Variants in ROCK1 observed in about 807,000 individuals in gnomAD.
The protein encoded by ROCK1 is Rho associated coiled-coil containing protein kinase 1.
Under a neutral mutation model 196.8 loss-of-function variants are expected in ROCK1, and 36 were observed. The observed-to-expected ratio is 0.18, with a 90% CI of 0.14 to 0.24. The LOEUF (loss-of-function observed/expected upper bound fraction) is 0.24. Among genes scored for constraint, ROCK1 ranks in the 10% least tolerant of loss-of-function variants. The pLI is 1.00. For synonymous variants in ROCK1, 443 were observed against 515.9 expected, an observed-to-expected ratio of 0.86 and a Z score of 1.91; for missense variants, 920 against 1,562.0, an observed-to-expected ratio of 0.59 and a Z score of 6.93.
rs772297301 is a variant in ROCK1, at chr18:20,967,044, C to T, written c.3225G>A (p.Glu1075=). 1.9e-6 allele frequency: 3 copies of T among 1,613,034 alleles called. No individual in the cohort carries two copies. The highest frequency in any genetic ancestry group is 2.2e-5 in the South Asian group (2 of 91,014). ...CTTTGCTGGCCAACTGCATCTGAAG[C>T]TCATTCCTATGTGCACATTCTTCTA... ...QLVEECAHRN[E]LQMQLASKES... Residue 1075 remains glutamate, a synonymous_variant, in exon 27 of 33, where the codon GAG becomes GAA. Transcript: ENST00000399799.
chr18:20,977,637 A>T (rs1449795883), intron 22 of ROCK1, among the ~76,000 whole-genome samples: 1 of 152,246 alleles, frequency 6.6e-6, no homozygotes, highest in Admixed American at 6.5e-5. Context: ...TTATAGCACA[A>T]TACTGGTGAT....
chr18:21,015,725 A>C (rs1018995836), intron 12 of ROCK1, among the ~76,000 whole-genome samples: 1 of 151,994 alleles, frequency 6.6e-6, no homozygotes, highest in Non-Finnish European at 1.5e-5. Context: ...TAATCCCAGC[A>C]CTTTGGGAGG....
intron 21 of ROCK1, among the ~76,000 whole-genome samples, chr18:20,982,144 T>A (rs989209291): frequency 6.6e-6 from 1 of 152,228 alleles, no homozygotes; most frequent in Admixed American, 6.5e-5. Flanking sequence ...TGGAAGCATA[T>A]GGCAAGAAAG....
Position 20,970,357 on chromosome 18 carries a change from A to G in ROCK1, c.2811T>C (p.Thr937=). 3 of 1,613,450 alleles carry G rather than the reference A, an allele frequency of 1.9e-6. No homozygotes were observed. Among genetic ancestry groups the G allele is most frequent in the Non-Finnish European group, 2.5e-6 (3 of 1,179,528 alleles). ...NRQEITDKDH[T]VSRLEEANSM... ...TGACTATCACACTTACCCGACTAAC[A>G]GTGTGATCTTTATCTGTAATCTCTT... Residue 937 remains threonine (T), a synonymous_variant, in exon 23 of 33, where the codon ACT becomes ACC. Coordinates refer to ENST00000399799, the MANE Select transcript of ROCK1 (RefSeq NM_005406.3).
chr18:21,046,396 TAAAC>T (rs1315108679), intron 4 of ROCK1, among the ~76,000 whole-genome samples: 2 of 152,210 alleles, frequency 1.3e-5, no homozygotes, highest in Non-Finnish European at 2.9e-5. Context: ...AACCAAATCA[TAAAC>T]TAATCCATAA....
rs1229591825 is a variant in ROCK1, at chr18:21,080,730, T to TA, written c.94-10118dup. Among the ~76,000 whole-genome samples the TA allele has an allele frequency of 3.3e-5, 5 of 151,958 alleles. No individual in the cohort carries two copies. In the East Asian group the frequency reaches 7.7e-4, roughly 23 times the overall value. ...ATATCAGACAAAACAGACCTTAAGT[T>TA]AAAAAAATGGTTAACAGACAAAAAA... On this transcript the variant is annotated intron_variant, in intron 1 of 32. Transcript: ENST00000399799.
intron 13 of ROCK1, among the ~76,000 whole-genome samples, chr18:21,012,115 T>A (rs1466194847): frequency 6.6e-6 from 1 of 151,896 alleles, no homozygotes; most frequent in Non-Finnish European, 1.5e-5. Context: ...ACTTGGCTAA[T>A]TTTTTTTGTA....
intron 1 of ROCK1, among the ~76,000 whole-genome samples, chr18:21,105,604 C>T (rs1200707229): frequency 6.6e-6 from 1 of 152,090 alleles, no homozygotes; most frequent in African/African-American, 2.4e-5. Flanking sequence ...AATGTGTGGA[C>T]TAACACTGTC....
intron 2 of ROCK1, among the ~76,000 whole-genome samples, chr18:21,066,489 A>C (rs1177220320): frequency 1.3e-5 from 2 of 152,220 alleles, no homozygotes; most frequent in East Asian, 3.8e-4. Context: ...AACATAGAGT[A>C]AATGATGCTT....
At chr18:21,051,991 G>C (rs566914090) in intron 2 of ROCK1, among the ~76,000 whole-genome samples, 5 of 152,282 alleles carry the variant, frequency 3.3e-5, no homozygotes, top group African/African-American at 1.2e-4. Flanking sequence ...TAAGAGTATT[G>C]TAATACCCCA....
chr18:21,008,081 CT>C lies in ROCK1; in HGVS notation c.1523del (p.Lys508ArgfsTer5). The C allele has an allele frequency of 6.3e-7, 1 of 1,596,208 alleles. No individual in the cohort carries two copies. The highest frequency in any genetic ancestry group is 8.5e-7 in the Non-Finnish European group (1 of 1,172,858). Reference protein sequence around the residue: ...YQRKAEQENEKRRNVENEVST... With the variant: ...YQRKAEQENEXRRNVENEVST... The stretch of plus-strand genomic sequence containing the variant: ...TACCTTCATTTTCTACATTTCTTCT[CT>C]TCTCATTTTCCTGTTCAGCTTTTCT... On this transcript the variant is annotated frameshift_variant, in exon 14 of 33. Coordinates refer to ENST00000399799, the MANE Select transcript of ROCK1 (RefSeq NM_005406.3). LOFTEE classifies it high-confidence loss of function.
intron 2 of ROCK1, among the ~76,000 whole-genome samples, chr18:21,050,821 T>C (rs2036197793): frequency 6.6e-6 from 1 of 152,222 alleles, no homozygotes; most frequent in South Asian, 2.1e-4. Context: ...CACTGCAAGA[T>C]GCACCAGAAA....
intron 8 of ROCK1, 33 bp downstream of exon 8, chr18:21,042,064 A>C: frequency 6.3e-7 from 1 of 1,585,358 alleles, no homozygotes. Context: ...AAGTCCTCAG[A>C]ATTAATACAG....
At chr18:21,100,173 G>C (rs919338427) in intron 1 of ROCK1, among the ~76,000 whole-genome samples, 4 of 149,300 alleles carry the variant, frequency 2.7e-5, no homozygotes, top group Non-Finnish European at 5.9e-5. Flanking sequence ...AACCTAAAAT[G>C]AAAGAGCCTA....
intron 16 of ROCK1, among the ~76,000 whole-genome samples, chr18:21,004,280 A>C (rs1158033272): frequency 2.0e-5 from 3 of 152,216 alleles, no homozygotes; most frequent in Admixed American, 6.5e-5. Context: ...ATTAATGAAT[A>C]ACAATCAAGA....
rs1491573135 is a variant in ROCK1 at position 20,959,057 on chromosome 18, T to TATAATATA, written c.3512+782_3512+783insTATATTAT. 5.9e-3 allele frequency among the ~76,000 whole-genome samples: 275 copies of TATAATATA among 46,826 alleles called. 12 individuals are homozygous for TATAATATA. Among genetic ancestry groups the TATAATATA allele is most frequent in the African/African-American group, 0.038 (242 of 6,298 alleles). 30.7% of individuals were successfully genotyped at this position (46,826 alleles called of 152,430 possible). ...TTTTATATAATATATAATATATATA[T>TATAATATA]TATATTTTATATTATATAATATATA... On this transcript the variant is annotated intron_variant, in intron 29 of 32. Transcript: ENST00000399799.
intron 2 of ROCK1, among the ~76,000 whole-genome samples, chr18:21,060,960 T>C (rs1385179039): frequency 1.3e-5 from 2 of 151,458 alleles, no homozygotes; most frequent in East Asian, 3.9e-4. Context: ...AACAGAGGAA[T>C]GAACAAACAA....
chr18:21,039,482 C>A lies in ROCK1; in HGVS notation c.1041G>T (p.Thr347=), dbSNP rs372897986. 5.8e-5 allele frequency: 94 copies of A among 1,612,060 alleles called. No homozygotes were observed. In the East Asian group the frequency reaches 1.2e-3, roughly 21 times the overall value. The stretch of plus-strand genomic sequence containing the variant: ...AAAAAAAAAACTTACTGTCTCGGAG[C>A]GTTTCCCAAGCCCACTGGTCATTTT... ...FFKNDQWAWE[T]LRDTVAPVVP... Residue 347 remains threonine, a synonymous_variant, in exon 9 of 33, where the codon ACG becomes ACT. Coordinates refer to ENST00000399799, the MANE Select transcript of ROCK1 (RefSeq NM_005406.3).
chr18:20,958,963 AAT>A (rs1333477154), intron 29 of ROCK1, among the ~76,000 whole-genome samples: 24 of 92,164 alleles, frequency 2.6e-4, no homozygotes, highest in Non-Finnish European at 3.2e-4. Flanking sequence ...TATTTTATAT[AAT>A]ATATATAATA....
Sources: gnomAD v4.1 joint callset for allele counts (sites outside exome capture counted in the v4.1 genomes callset) on GRCh38, gnomAD v4.1.1 for gene constraint, MANE v1.5 for transcripts, NCBI Gene and HGNC (gene_info 2026-07-23, HGNC 2026-07-21) for gene names.